The following HMCN1 variants were observed in gnomAD, a reference collection of about 807,000 sequenced individuals.
HMCN1 encodes hemicentin-1.
Under a neutral mutation model 625.9 loss-of-function variants are expected in HMCN1, and 321 were observed. That is an observed-to-expected ratio of 0.51 (90% CI 0.47 to 0.56). HMCN1 has a LOEUF of 0.56. Ranked by LOEUF, HMCN1 falls within the 20% of genes least tolerant of loss-of-function variation. The pLI, the probability that HMCN1 is intolerant of heterozygous loss-of-function variation, is 0.00. For synonymous variants in HMCN1, 2,425 were observed against 2,417.6 expected (o/e 1.00, Z -0.09); for missense variants, 6,588 against 6,887.3 (o/e 0.96, Z 1.54).
intron 100 of HMCN1, among the ~76,000 whole-genome samples, chr1:186,170,804 T>G (rs1652179712): frequency 6.6e-6 from 1 of 152,228 alleles, no homozygotes; most frequent in African/African-American, 2.4e-5. Context: ...GCCTGCACAC[T>G]GTTTTTGTTA....
chr1:185,908,104 T>C (rs768362684), intron 4 of HMCN1, among the ~76,000 whole-genome samples: 40 of 151,986 alleles, frequency 2.6e-4, no homozygotes, highest in Non-Finnish European at 4.0e-4. Flanking sequence ...AGTGTGGTCA[T>C]CATTACTTAG....
chr1:186,092,790 G>A, intron 64 of HMCN1, among the ~76,000 whole-genome samples: 1 of 151,926 alleles, frequency 6.6e-6, no homozygotes, highest in East Asian at 1.9e-4. Flanking sequence ...ATTTTTATGT[G>A]TAATTTTTTC....
chr1:186,143,750 T>C (rs1650115886), intron 89 of HMCN1, among the ~76,000 whole-genome samples: 1 of 152,202 alleles, frequency 6.6e-6, no homozygotes, highest in Admixed American at 6.5e-5. Context: ...GTGGAAATAT[T>C]TGTATTGTCT....
chr1:185,819,556 AAT>A (rs1660060059), intron 1 of HMCN1, among the ~76,000 whole-genome samples: 1 of 152,002 alleles, frequency 6.6e-6, no homozygotes, highest in Non-Finnish European at 1.5e-5. Context: ...ATTGGAGAAA[AAT>A]ATCTCATTCA....
chr1:185,751,162 A>C (rs898271290), intron 1 of HMCN1, among the ~76,000 whole-genome samples: 1 of 152,104 alleles, frequency 6.6e-6, no homozygotes, highest in African/African-American at 2.4e-5. Context: ...TTCCCCCACC[A>C]ACCCTATGCA....
At chr1:186,023,561 C>T (rs1654863101) in intron 36 of HMCN1, among the ~76,000 whole-genome samples, 1 of 152,044 alleles carries the variant, frequency 6.6e-6, no homozygotes, top group Admixed American at 6.6e-5. Flanking sequence ...AGGATTTTCT[C>T]CAATGTGCTG....
At chr1:185,920,534 G>A (rs1473478498) in intron 6 of HMCN1, among the ~76,000 whole-genome samples, 2 of 151,992 alleles carry the variant, frequency 1.3e-5, no homozygotes, top group African/African-American at 4.8e-5. Flanking sequence ...TTATTACTTG[G>A]TGTGGTCTTT....
intron 36 of HMCN1, among the ~76,000 whole-genome samples, chr1:186,032,781 T>C (rs1360105193): frequency 6.6e-6 from 1 of 151,452 alleles, no homozygotes; most frequent in Non-Finnish European, 1.5e-5. Flanking sequence ...GTGGTGTGGA[T>C]GTGCTGAAAG....
intron 22 of HMCN1, among the ~76,000 whole-genome samples, chr1:185,992,383 T>C (rs1652488448): frequency 6.6e-6 from 1 of 152,192 alleles, no homozygotes; most frequent in Non-Finnish European, 1.5e-5. Context: ...TAAGTTTTCT[T>C]TTTCACATTT....
At chr1:185,974,854 T>C (rs1651086006) in intron 15 of HMCN1, among the ~76,000 whole-genome samples, 1 of 152,174 alleles carries the variant, frequency 6.6e-6, no homozygotes, top group Admixed American at 6.6e-5. Context: ...ATGGATGACT[T>C]CTCCTGTCTT....
intron 1 of HMCN1, among the ~76,000 whole-genome samples, chr1:185,824,696 A>G (rs1294093011): frequency 6.6e-6 from 1 of 152,260 alleles, no homozygotes; most frequent in Admixed American, 6.5e-5. Context: ...TGTACCATTC[A>G]ATTCTAAGCA....
At chr1:185,942,381 T>C (rs757864082) in intron 11 of HMCN1, among the ~76,000 whole-genome samples, 10 of 152,130 alleles carry the variant, frequency 6.6e-5, no homozygotes, top group Admixed American at 4.6e-4. Context: ...GGAAAAGATG[T>C]CTAGGTGTTG....
chr1:185,789,859 A>C (rs1251552622), intron 1 of HMCN1, among the ~76,000 whole-genome samples: 1 of 152,226 alleles, frequency 6.6e-6, no homozygotes, highest in Non-Finnish European at 1.5e-5. Context: ...TTACTGGTGC[A>C]GTCATTAACT....
chr1:186,094,317 G>T lies in HMCN1; in HGVS notation c.10238G>T (p.Cys3413Phe). ...AQVSDVAVYTCVASNRAGVDN... is the reference protein window; with the variant it reads ...AQVSDVAVYTFVASNRAGVDN... ...GTGTCTGATGTCGCTGTGTATACTTGTGTGGCCTCCAACAGAGCTGGGGTG... is the reference window on the plus strand; with the variant it reads ...GTGTCTGATGTCGCTGTGTATACTTTTGTGGCCTCCAACAGAGCTGGGGTG... The change falls in exon 67 of 107, where the codon TGT becomes TTT. Residue 3413 changes from cysteine (C) to phenylalanine (F), a missense_variant. Cys to Phe is a radical substitution (Grantham distance 205). Transcript: ENST00000271588. 1.9e-6 allele frequency: 3 copies of T among 1,613,380 alleles called. No homozygotes were observed. The highest frequency in any genetic ancestry group is 2.2e-5 in the East Asian group (1 of 44,838).
rs752090059 is a variant in HMCN1, at chr1:186,108,596, A to G, written c.10988A>G (p.Gln3663Arg). 3.7e-6 allele frequency: 6 copies of G among 1,614,144 alleles called. No homozygotes were observed. The highest frequency in any genetic ancestry group is 5.1e-6 in the Non-Finnish European group (6 of 1,179,996). The change falls in exon 71 of 107, where the codon CAG (glutamine) becomes CGG (arginine). Residue 3663 changes from glutamine to arginine, a missense_variant and splice_region_variant. Coordinates refer to ENST00000271588, the MANE Select transcript of HMCN1 (RefSeq NM_031935.3). The stretch of plus-strand genomic sequence containing the variant: ...TGGCTCAGAAATGGAGAACGGTTAC[A>G]GGTAAATTTTTTGATAAGCTCCACA... ...ITWLRNGERL[Q>R]ATPRVRILSG...
chr1:185,879,193 C>G (rs545875094), intron 4 of HMCN1, among the ~76,000 whole-genome samples: 1 of 152,252 alleles, frequency 6.6e-6, no homozygotes, highest in South Asian at 2.1e-4. Flanking sequence ...TTGCTTGAGA[C>G]AGGGTCTTAC....
chr1:185,871,090 A>G (rs1663588522), intron 4 of HMCN1, among the ~76,000 whole-genome samples: 2 of 152,220 alleles, frequency 1.3e-5, no homozygotes, highest in Middle Eastern at 3.4e-3. Context: ...TTAGCTGGGC[A>G]TGGTGGCGCA....
chr1:186,061,553 A>G (rs1268995998), intron 46 of HMCN1, among the ~76,000 whole-genome samples: 3 of 152,186 alleles, frequency 2.0e-5, no homozygotes, highest in South Asian at 4.1e-4. Context: ...GTGTTAAAAT[A>G]TACTTATCTT....
intron 41 of HMCN1, among the ~76,000 whole-genome samples, chr1:186,047,620 C>G (rs1656661774): frequency 6.6e-6 from 1 of 152,110 alleles, no homozygotes; most frequent in African/African-American, 2.4e-5. Context: ...CTATTATTCC[C>G]TCCCCAACTC....
Sources: gnomAD v4.1 joint callset for allele counts (sites outside exome capture counted in the v4.1 genomes callset) on GRCh38, gnomAD v4.1.1 for gene constraint, MANE v1.5 for transcripts, NCBI Gene and HGNC (gene_info 2026-07-23, HGNC 2026-07-21) for gene names.